GPC6: variants seen among roughly 807,000 people sequenced by gnomAD.
GPC6 encodes glypican-6.
Under a neutral mutation model 55.2 loss-of-function variants are expected in GPC6, and 14 were observed. That is an observed-to-expected ratio of 0.25 (90% CI 0.17 to 0.40). The LOEUF is 0.40. Among genes scored for constraint, GPC6 ranks in the 10% least tolerant of loss-of-function variants. GPC6 has a pLI of 1.00. For synonymous variants in GPC6, 278 were observed against 259.6 expected (o/e 1.07, Z -0.68); for missense variants, 641 against 708.5 (o/e 0.90, Z 1.08).
At chr13:93,995,849 C>T (rs1293256899) in intron 3 of GPC6, among the ~76,000 whole-genome samples, 1 of 152,062 alleles carries the variant, frequency 6.6e-6, no homozygotes, top group Non-Finnish European at 1.5e-5. Context: ...TCTACCCTAA[C>T]AGAACAAATC....
intron 6 of GPC6, among the ~76,000 whole-genome samples, chr13:94,341,555 A>G (rs1336971927): frequency 6.6e-6 from 1 of 150,860 alleles, no homozygotes; most frequent in East Asian, 2.0e-4. Flanking sequence ...ACTGCACTCC[A>G]GCCTGGGCAA....
chr13:93,227,332 G>A lies in GPC6; in HGVS notation c.-125G>A. On this transcript the variant is annotated 5_prime_UTR_variant, in exon 1 of 9. Transcript: ENST00000377047. The surrounding 1 kb of genome is among the most constrained non-coding windows in gnomAD (Gnocchi z 4.3). The stretch of plus-strand genomic sequence containing the variant: ...GCGCTGCTCGTCCCCTCGGCTGGCA[G>A]AAGGGGGTGACGCTGGGCAGCGGCG... 7.7e-6 allele frequency: 7 copies of A among 907,696 alleles called. No homozygotes were observed. Among genetic ancestry groups the A allele is most frequent in the Non-Finnish European group, 1.2e-5 (7 of 584,136 alleles). 56.2% of individuals were successfully genotyped at this position (907,696 alleles called of 1,614,324 possible).
chr13:94,032,223 A>G (rs1266985659), intron 4 of GPC6, among the ~76,000 whole-genome samples: 3 of 152,210 alleles, frequency 2.0e-5, no homozygotes, highest in Non-Finnish European at 4.4e-5. Context: ...TGGGTAAGCT[A>G]GGCATATACA....
chr13:93,625,144 G>GTT (rs150769538), intron 2 of GPC6, among the ~76,000 whole-genome samples: 17 of 151,584 alleles, frequency 1.1e-4, no homozygotes, highest in African/African-American at 3.9e-4. Context: ...TTGAATGACA[G>GTT]TTTTTTTTTA....
intron 3 of GPC6, among the ~76,000 whole-genome samples, chr13:94,001,434 T>A (rs1184980007): frequency 2.0e-5 from 3 of 152,202 alleles, no homozygotes; most frequent in East Asian, 1.9e-4. Flanking sequence ...TTAGGTTTTT[T>A]AAAAATAAAT....
intron 1 of GPC6, among the ~76,000 whole-genome samples, chr13:93,374,983 T>A (rs4426226): frequency 0.38 from 57,868 of 151,930 alleles, 12,280 homozygotes; most frequent in Non-Finnish European, 0.5. Context: ...AGGAGTACCA[T>A]GGAGTCCAAT....
chr13:93,812,226 TAA>T (rs1015860189), intron 2 of GPC6, among the ~76,000 whole-genome samples: 1 of 151,436 alleles, frequency 6.6e-6, no homozygotes, highest in African/African-American at 2.4e-5. Context: ...CTGTCTCTAC[TAA>T]AAATACAAAA....
At chr13:94,394,015 A>C (rs1304964006) in intron 7 of GPC6, among the ~76,000 whole-genome samples, 1 of 152,122 alleles carries the variant, frequency 6.6e-6, no homozygotes, top group South Asian at 2.1e-4. Flanking sequence ...AGATGACAAG[A>C]ACTGTCAATT....
intron 2 of GPC6, among the ~76,000 whole-genome samples, chr13:93,629,745 A>G (rs556325789): frequency 1.3e-5 from 2 of 152,356 alleles, no homozygotes; most frequent in South Asian, 4.1e-4. Flanking sequence ...ATGCATTTAT[A>G]GAATAGCTGT....
chr13:93,676,322 C>T (rs1881632184), intron 2 of GPC6, among the ~76,000 whole-genome samples: 2 of 151,164 alleles, frequency 1.3e-5, no homozygotes, highest in South Asian at 4.2e-4. Context: ...GAGTCTGAGG[C>T]AGGAGAATCT....
At chr13:94,345,800 A>G (rs560646620) in intron 6 of GPC6, among the ~76,000 whole-genome samples, 4 of 152,346 alleles carry the variant, frequency 2.6e-5, no homozygotes, top group Admixed American at 2.6e-4. Flanking sequence ...GGATTGCTAC[A>G]ACAAAGTACC....
At chr13:94,372,835 C>G (rs1302842950) in intron 6 of GPC6, among the ~76,000 whole-genome samples, 1 of 151,562 alleles carries the variant, frequency 6.6e-6, no homozygotes, top group Non-Finnish European at 1.5e-5. Context: ...TTGAAGAGAG[C>G]AGTGGTTCTC....
intron 4 of GPC6, among the ~76,000 whole-genome samples, chr13:94,191,728 T>C (rs1889401499): frequency 6.6e-6 from 1 of 152,216 alleles, no homozygotes; most frequent in Non-Finnish European, 1.5e-5. Flanking sequence ...GTCTCTTCTA[T>C]TAATGACTAG....
intron 2 of GPC6, among the ~76,000 whole-genome samples, chr13:93,619,069 T>C (rs974493872): frequency 6.6e-6 from 1 of 152,142 alleles, no homozygotes; most frequent in Non-Finnish European, 1.5e-5. Context: ...CTAAACATAG[T>C]CTCATGGGAA....
At chr13:94,318,241 A>G (rs1283245895) in intron 6 of GPC6, among the ~76,000 whole-genome samples, 1 of 152,144 alleles carries the variant, frequency 6.6e-6, no homozygotes, top group Non-Finnish European at 1.5e-5. Context: ...AGAGATTTTC[A>G]CTATGCGAGT....
At chr13:93,692,097 T>TA (rs1350937272) in intron 2 of GPC6, among the ~76,000 whole-genome samples, 1 of 152,028 alleles carries the variant, frequency 6.6e-6, no homozygotes, top group Non-Finnish European at 1.5e-5. Flanking sequence ...GGTTAGTAAA[T>TA]AAAGTTGCTA....
At chr13:93,270,205 A>T (rs1362491818) in intron 1 of GPC6, among the ~76,000 whole-genome samples, 7 of 148,784 alleles carry the variant, frequency 4.7e-5, no homozygotes, top group Non-Finnish European at 1.5e-5. Context: ...AGCTGTGATT[A>T]TGTCACTAAT....
At chr13:94,241,848 A>G (rs1326943667) in intron 4 of GPC6, among the ~76,000 whole-genome samples, 3 of 152,064 alleles carry the variant, frequency 2.0e-5, no homozygotes, top group Admixed American at 1.3e-4. Context: ...AGACAACGAG[A>G]TGTAATTTCC....
At chr13:93,810,649 G>C (rs1019960938) in intron 2 of GPC6, among the ~76,000 whole-genome samples, 8 of 152,130 alleles carry the variant, frequency 5.3e-5, no homozygotes, top group African/African-American at 1.9e-4. Flanking sequence ...TGATAGATCT[G>C]ATTCACCTCT....
Sources: gnomAD v4.1 joint callset for allele counts (sites outside exome capture counted in the v4.1 genomes callset) on GRCh38, gnomAD v4.1.1 for gene constraint, Gnocchi (gnomAD v3.1) non-coding constraint, MANE v1.5 for transcripts, NCBI Gene and HGNC (gene_info 2026-07-23, HGNC 2026-07-21) for gene names.